Variants in NCBP3 observed in about 807,000 individuals in gnomAD.
NCBP3 encodes nuclear cap binding subunit 3.
A neutral mutation model predicts 75.7 loss-of-function variants in NCBP3; 20 were observed. The observed-to-expected ratio is 0.26, with a 90% CI of 0.19 to 0.38. NCBP3 has a LOEUF of 0.38. Among genes scored for constraint, NCBP3 ranks in the 10% least tolerant of loss-of-function variants. NCBP3 has a pLI of 1.00. For missense variants in NCBP3, 678 were observed against 796.9 expected (o/e 0.85, Z 1.80); for synonymous variants, 293 against 290.5 (o/e 1.01, Z -0.09).
At chr17:3,817,832 T>C (rs1481220121) in intron 10 of NCBP3, among the ~76,000 whole-genome samples, 1 of 151,866 alleles carries the variant, frequency 6.6e-6, no homozygotes, top group Non-Finnish European at 1.5e-5. Flanking sequence ...CAACAGACTA[T>C]ATACAGTTGA....
intron 3 of NCBP3, among the ~76,000 whole-genome samples, chr17:3,833,297 A>T (rs1159612087): frequency 1.3e-5 from 2 of 152,090 alleles, no homozygotes; most frequent in African/African-American, 4.8e-5. Context: ...TATTTTTTGC[A>T]GAGATGGGGT....
intron 3 of NCBP3, among the ~76,000 whole-genome samples, chr17:3,839,659 A>C (rs1358565565): frequency 6.6e-6 from 1 of 152,158 alleles, no homozygotes; most frequent in East Asian, 1.9e-4. Context: ...ATAGATTCAG[A>C]TTATCAACAA....
At chr17:3,824,363 CACAT>C (rs201718423) in intron 7 of NCBP3, 8,946 of 151,360 alleles carry the variant, frequency 0.059, 408 homozygotes, top group African/African-American at 0.11. Flanking sequence ...CATACACACA[CACAT>C]ACACATACAC....
At chr17:3,827,424 G>A (rs1216727190) in intron 4 of NCBP3, among the ~76,000 whole-genome samples, 1 of 152,202 alleles carries the variant, frequency 6.6e-6, no homozygotes, top group Non-Finnish European at 1.5e-5. Context: ...TGGAAAACGT[G>A]GATGATGAAG....
At chr17:3,837,114 C>T (rs1350421227) in intron 3 of NCBP3, among the ~76,000 whole-genome samples, 1 of 151,374 alleles carries the variant, frequency 6.6e-6, no homozygotes, top group Non-Finnish European at 1.5e-5. Context: ...TGCCACTGCA[C>T]TCCAGCCTGG....
intron 1 of NCBP3, among the ~76,000 whole-genome samples, chr17:3,843,511 T>C (rs961290556): frequency 7.9e-5 from 12 of 152,222 alleles, no homozygotes; most frequent in Non-Finnish European, 1.3e-4. Context: ...TAGGATCACA[T>C]GTGTGAGTCA....
intron 4 of NCBP3, among the ~76,000 whole-genome samples, chr17:3,826,956 G>A (rs2053799055): frequency 7.0e-6 from 1 of 141,958 alleles, no homozygotes; most frequent in African/African-American, 2.6e-5. Context: ...CTTGCAGTGA[G>A]CCGAGATGAT....
At position 3,832,373 on chromosome 17, in the gene NCBP3, C is replaced by T. The variant is rs1201494226; in HGVS notation, c.356-3005G>A. ...TAATGGGCAGGCGCGGTGGCTCACG[C>T]CTGTAATCCCAGCACTTTGGGAGGC... On this transcript the variant is annotated intron_variant, in intron 3 of 12. Transcript: ENST00000389005. Among the ~76,000 whole-genome samples the T allele has an allele frequency of 4.0e-4, 48 of 120,186 alleles. 11 individuals carry two copies. Among genetic ancestry groups the T allele is most frequent in the Admixed American group, 3.3e-3 (39 of 11,920 alleles). The allele number at this position is 120,186 out of a possible 152,430, so 78.8% of individuals were successfully genotyped here.
In NCBP3 at chr17:3,816,152, A is replaced by G; in HGVS notation, c.1429T>C (p.Ser477Pro). ...CTGCTGACTGGTGGCCGTGGACGGG[A>G]GTGCTGACGTTTCTCATCTAATAGA... Reference protein sequence around the residue: ...RHLLDEKRQHSRPRPPVSSTK... With the variant: ...RHLLDEKRQHPRPRPPVSSTK... The change falls in exon 11 of 13, where the codon TCC becomes CCC. Residue 477 changes from serine to proline, a missense_variant. Transcript: ENST00000389005. The G allele has an allele frequency of 2.5e-6, 4 of 1,614,152 alleles. No homozygotes were observed. The highest frequency in any genetic ancestry group is 3.4e-6 in the Non-Finnish European group (4 of 1,180,006).
chr17:3,826,300 A>ACAGCCT (rs1456388358), intron 4 of NCBP3, 85 bp from the exon 5 acceptor site: 13 of 1,273,716 alleles, frequency 1.0e-5, no homozygotes, highest in African/African-American at 3.0e-5. Flanking sequence ...ATTCATCACT[A>ACAGCCT]CAGCCTCATC....
chr17:3,813,334 G>A, intron 12 of NCBP3, 55 bp from the exon 13 acceptor site: 1 of 1,596,532 alleles, frequency 6.3e-7, no homozygotes, highest in South Asian at 1.1e-5. Flanking sequence ...AACCAGGGTA[G>A]CACTGAGGGG....
In NCBP3 at chr17:3,824,967, C is replaced by T. The variant is rs952987591; in HGVS notation, c.771G>A (p.Arg257=). 1 of 1,539,538 alleles carries T rather than the reference C, an allele frequency of 6.5e-7. No homozygotes were observed. The highest frequency in any genetic ancestry group is 8.8e-7 in the Non-Finnish European group (1 of 1,139,740). The change falls in exon 7 of 13, where the codon AGG becomes AGA. Residue 257 remains arginine, a synonymous_variant. Coordinates refer to ENST00000389005, the MANE Select transcript of NCBP3 (RefSeq NM_001114118.3). ...CTTTTGTAGCAAATCTCATGAATAA[C>T]CTATTTCCTTTAGCAAGTTTGTTAG... The part of the protein sequence containing the change: ...RPANKLAKGN[R]LFMRFATKDD...
intron 3 of NCBP3, among the ~76,000 whole-genome samples, chr17:3,831,295 C>T (rs968950794): frequency 2.0e-5 from 3 of 151,672 alleles, no homozygotes; most frequent in Non-Finnish European, 2.9e-5. Flanking sequence ...AACTTAAGGT[C>T]GGGCGCGGTC....
intron 11 of NCBP3, among the ~76,000 whole-genome samples, chr17:3,814,819 T>C (rs2053498825): frequency 6.6e-6 from 1 of 152,008 alleles, no homozygotes; most frequent in South Asian, 2.1e-4. Flanking sequence ...TCCTGGAAAG[T>C]GGAAGGCACA....
At chr17:3,840,001 G>A in intron 3 of NCBP3, 99 bp downstream of exon 3, 2 of 846,182 alleles carry the variant, frequency 2.4e-6, no homozygotes, top group Non-Finnish European at 3.8e-6. Flanking sequence ...CTTGGATAAG[G>A]AGTGGACACG....
rs1480909343 is a variant in NCBP3 at position 3,826,167 on chromosome 17, T to C, written c.530A>G (p.Asn177Ser). ...DEMTATRALINMSSLPAQDKI... is the reference protein window; with the variant it reads ...DEMTATRALISMSSLPAQDKI... Reference sequence around the variant, plus strand: ...ATCCTGTGCAGGCAGGGAGCTCATATTGATAAGTGCTCGTGTGGCTGTCAT... The same window carrying C: ...ATCCTGTGCAGGCAGGGAGCTCATACTGATAAGTGCTCGTGTGGCTGTCAT... Residue 177 changes from asparagine to serine, a missense_variant, in exon 5 of 13, where the codon AAT (asparagine) becomes AGT (serine). Physicochemically the swap from Asn to Ser is conservative, Grantham distance 46. Coordinates refer to ENST00000389005, the MANE Select transcript of NCBP3 (RefSeq NM_001114118.3). 26 of 1,551,558 alleles carry C rather than the reference T, an allele frequency of 1.7e-5. No homozygotes were observed. The highest frequency in any genetic ancestry group is 2.7e-5 in the African/African-American group (2 of 73,044).
intron 3 of NCBP3, among the ~76,000 whole-genome samples, chr17:3,833,412 G>A (rs1024843778): frequency 6.6e-6 from 1 of 152,126 alleles, no homozygotes. Context: ...CCCAGCGCCT[G>A]CATCTCTCTC....
At chr17:3,841,537 A>G (rs2054061797) in intron 2 of NCBP3, among the ~76,000 whole-genome samples, 1 of 151,794 alleles carries the variant, frequency 6.6e-6, no homozygotes, top group Non-Finnish European at 1.5e-5. Context: ...TACTTTTTCA[A>G]TTACAGTAAG....
At chr17:3,820,849 T>C (rs1223542235) in intron 9 of NCBP3, among the ~76,000 whole-genome samples, 1 of 151,872 alleles carries the variant, frequency 6.6e-6, no homozygotes, top group East Asian at 1.9e-4. Flanking sequence ...GAGAATTGCT[T>C]GAATCCAGGA....
Sources: allele counts gnomAD v4.1 joint callset (sites outside exome capture counted in the v4.1 genomes callset), GRCh38; gene constraint gnomAD v4.1.1; transcripts MANE v1.5; gene names NCBI Gene and HGNC (gene_info 2026-07-23, HGNC 2026-07-21).